The following GABRA1 variants were observed in gnomAD, a reference collection of about 807,000 sequenced individuals.
GABRA1 encodes gamma-aminobutyric acid type A receptor subunit alpha1, also known as gamma-aminobutyric acid receptor subunit alpha-1.
GABRA1 carries 9 observed loss-of-function variants against 48.9 expected under a neutral mutation model. The ratio of observed to expected loss-of-function variants is 0.18; its 90% CI spans 0.11 to 0.32. The LOEUF (loss-of-function observed/expected upper bound fraction) is 0.32. GABRA1 is among the 10% of genes least tolerant of loss of function. The probability of loss-of-function intolerance (pLI) is 1.00; values close to 1 mark genes in which losing one functional copy is unlikely to be tolerated. For missense variants in GABRA1, 285 were observed against 553.8 expected (o/e 0.51, Z 4.87); for synonymous variants, 210 against 198.7 (o/e 1.06, Z -0.48).
chr5:161,863,794 G>T (rs4605831), intron 3 of GABRA1, among the ~76,000 whole-genome samples: 2 of 150,826 alleles, frequency 1.3e-5, no homozygotes, highest in African/African-American at 4.9e-5. Flanking sequence ...AGTTATATAC[G>T]CCTCAAGCGT....
intron 6 of GABRA1, among the ~76,000 whole-genome samples, chr5:161,878,068 GAGA>G (rs1754441064): frequency 6.6e-6 from 1 of 152,152 alleles, no homozygotes. Context: ...AACGTCACGA[GAGA>G]AGGACATACT....
chr5:161,882,780 AAC>A (rs1754673346), intron 7 of GABRA1, 79 bp downstream of exon 7: 1 of 1,353,652 alleles, frequency 7.4e-7, no homozygotes, highest in Non-Finnish European at 1.1e-6. Context: ...ATCATTCAGT[AAC>A]ACAAGTCTAG....
chr5:161,892,396 T>C (rs529701733), intron 8 of GABRA1, among the ~76,000 whole-genome samples: 1 of 152,232 alleles, frequency 6.6e-6, no homozygotes, highest in Non-Finnish European at 1.5e-5. Flanking sequence ...AGCAAGACTC[T>C]GCTACAAGTA....
rs138657409 is a variant in GABRA1 at position 161,887,439 on chromosome 5, C to T, written c.704-3459C>T. 4.1e-4 allele frequency among the ~76,000 whole-genome samples: 62 copies of T among 151,332 alleles called. 2 individuals are homozygous for T. In the East Asian group the frequency reaches 0.012, roughly 29 times the overall value. ...ATAATTATAACTATAGAATGTAAGT[C>T]CTGGGAAAAAAAAAAGACTTCTGTG... On this transcript the variant is annotated intron_variant, in intron 7 of 9. Coordinates refer to ENST00000393943, the MANE Select transcript of GABRA1 (RefSeq NM_001127644.2).
chr5:161,885,633 A>G (rs750830756), intron 7 of GABRA1, among the ~76,000 whole-genome samples: 140 of 152,172 alleles, frequency 9.2e-4, no homozygotes, highest in Non-Finnish European at 1.6e-3. Context: ...TCCTAGCACA[A>G]TATTTGAATT....
intron 1 of GABRA1, chr5:161,848,816 G>T: frequency 3.0e-6 from 1 of 334,074 alleles, no homozygotes. Context: ...GGTGAGTTGG[G>T]GAGGGGCGTC....
intron 8 of GABRA1, among the ~76,000 whole-genome samples, chr5:161,892,930 G>A (rs1755166336): frequency 6.6e-6 from 1 of 151,260 alleles, no homozygotes. Flanking sequence ...CTTGAACCCT[G>A]GAGGTGCAGC....
intron 6 of GABRA1, among the ~76,000 whole-genome samples, chr5:161,879,289 T>G (rs1382572115): frequency 1.3e-5 from 2 of 152,086 alleles, no homozygotes; most frequent in Non-Finnish European, 2.9e-5. Context: ...TCAAATAAAT[T>G]TTTGTAGAGA....
intron 3 of GABRA1, among the ~76,000 whole-genome samples, chr5:161,859,564 G>A (rs1757772246): frequency 1.3e-5 from 2 of 151,758 alleles, no homozygotes; most frequent in South Asian, 4.1e-4. Context: ...CTCGAGGATA[G>A]GGAAAGCAGC....
intron 1 of GABRA1, 92 bp downstream of exon 1, chr5:161,848,514 G>T (rs1245036526): frequency 1.1e-5 from 1 of 93,922 alleles, no homozygotes; most frequent in Admixed American, 9.7e-5. Flanking sequence ...TCGGGGGGGG[G>T]GGGCGGGGGG....
intron 8 of GABRA1, among the ~76,000 whole-genome samples, chr5:161,893,704 C>T (rs1447555863): frequency 3.9e-5 from 6 of 152,140 alleles, no homozygotes; most frequent in African/African-American, 9.7e-5. Flanking sequence ...GATTCAGTCT[C>T]GCCACCTACC....
chr5:161,850,785 C>T lies in GABRA1; in HGVS notation c.-15-11C>T. ...CTAGAGACATTGATCTCTACTTATT[C>T]TACTTTTCAGCTGCTCCAGCCCGCG... On this transcript the variant is annotated splice_polypyrimidine_tract_variant and intron_variant, in intron 1 of 9. Coordinates refer to ENST00000393943, the MANE Select transcript of GABRA1 (RefSeq NM_001127644.2). 6.2e-7 allele frequency: 1 copy of T among 1,611,078 alleles called. No homozygotes were observed. Among genetic ancestry groups the T allele is most frequent in the Non-Finnish European group, 8.5e-7 (1 of 1,177,210 alleles).
intron 6 of GABRA1, among the ~76,000 whole-genome samples, chr5:161,878,343 T>C (rs1218481390): frequency 6.6e-6 from 1 of 152,120 alleles, no homozygotes. Flanking sequence ...GCAGGGGCAG[T>C]CCATTTGTTG....
At chr5:161,863,940 A>C (rs1024252803) in intron 3 of GABRA1, among the ~76,000 whole-genome samples, 1 of 152,124 alleles carries the variant, frequency 6.6e-6, no homozygotes, top group African/African-American at 2.4e-5. Context: ...CAACAGTGTT[A>C]GAAAATTAGC....
rs777148533 is a variant in GABRA1 at position 161,875,662 on chromosome 5, CT to C, written c.559+24del. ...GAAGTTGTGAGTAAATTTATATGGACTTTTCTTGATTGTAAGTCATTAAGCA... is the reference window on the plus strand; with the variant it reads ...GAAGTTGTGAGTAAATTTATATGGACTTTCTTGATTGTAAGTCATTAAGCA... On this transcript the variant is annotated intron_variant, in intron 6 of 9. Transcript: ENST00000393943. The C allele has an allele frequency of 7.7e-6, 12 of 1,549,466 alleles. No homozygotes were observed. Among genetic ancestry groups the C allele is most frequent in the Non-Finnish European group, 1.1e-5 (12 of 1,121,360 alleles).
chr5:161,849,212 A>G (rs938967115), intron 1 of GABRA1, among the ~76,000 whole-genome samples: 10 of 152,184 alleles, frequency 6.6e-5, no homozygotes, highest in South Asian at 2.1e-4. Flanking sequence ...GAGGGCAAAA[A>G]TCTATGGTGC....
chr5:161,880,846 TCACTA>T, intron 6 of GABRA1, among the ~76,000 whole-genome samples: 1 of 152,148 alleles, frequency 6.6e-6, no homozygotes. Flanking sequence ...GTTTTACACC[TCACTA>T]TATCTTATCT....
chr5:161,882,449 G>C, intron 6 of GABRA1, 109 bp from the exon 7 acceptor site: 3 of 1,035,482 alleles, frequency 2.9e-6, no homozygotes, highest in Non-Finnish European at 4.5e-6. Context: ...TTCCTAGCCT[G>C]CCCTCTGGAA....
At chr5:161,892,076 G>C (rs1201037800) in intron 8 of GABRA1, among the ~76,000 whole-genome samples, 2 of 152,202 alleles carry the variant, frequency 1.3e-5, no homozygotes, top group East Asian at 3.8e-4. Context: ...TCTGGAGTCT[G>C]TTCGCCTAAT....
Sources: allele counts gnomAD v4.1 joint callset (sites outside exome capture counted in the v4.1 genomes callset), GRCh38; gene constraint gnomAD v4.1.1; transcripts MANE v1.5; gene names NCBI Gene and HGNC (gene_info 2026-07-23, HGNC 2026-07-21).